The following FBN1 variants were observed in gnomAD, a reference collection of about 807,000 sequenced individuals.
FBN1 encodes fibrillin-1.
FBN1 carries 29 observed loss-of-function variants against 365.1 expected under a neutral mutation model. The ratio of observed to expected loss-of-function variants is 0.08; its 90% confidence interval spans 0.06 to 0.11. The LOEUF is 0.11. Among genes scored for constraint, FBN1 ranks in the 10% least tolerant of loss-of-function variants. The probability of loss-of-function intolerance (pLI) is 1.00; values close to 1 mark genes in which losing one functional copy is unlikely to be tolerated. For synonymous variants in FBN1, 1,210 were observed against 1,270.5 expected, an observed-to-expected ratio of 0.95 and a Z score of 1.01; for missense variants, 2,476 against 3,703.2, an observed-to-expected ratio of 0.67 and a Z score of 8.60.
intron 10 of FBN1, among the ~76,000 whole-genome samples, chr15:48,518,794 A>C (rs1437649590): frequency 1.3e-5 from 2 of 152,052 alleles, no homozygotes; most frequent in Non-Finnish European, 2.9e-5. Flanking sequence ...TTCCTGCATC[A>C]CTCTCTGTAA....
intron 6 of FBN1, among the ~76,000 whole-genome samples, chr15:48,577,812 G>A (rs1246601187): frequency 1.4e-4 from 21 of 152,110 alleles, no homozygotes; most frequent in Admixed American, 1.4e-3. Context: ...CAGCTAATAG[G>A]GCATGATCGT....
intron 15 of FBN1, among the ~76,000 whole-genome samples, chr15:48,506,744 G>A (rs1330311182): frequency 6.6e-6 from 1 of 152,096 alleles, no homozygotes; most frequent in East Asian, 1.9e-4. Context: ...TAAGTGCTCA[G>A]GGCTAGGAGA....
At chr15:48,516,454 T>G (rs2043803741) in intron 10 of FBN1, 92 bp from the exon 11 acceptor site, 1 of 1,337,596 alleles carries the variant, frequency 7.5e-7, no homozygotes, top group South Asian at 1.2e-5. Flanking sequence ...TTAAAGATAT[T>G]TTTGAATAAA....
chr15:48,469,873 T>A (rs111451252), intron 36 of FBN1, among the ~76,000 whole-genome samples: 2,012 of 152,134 alleles, frequency 0.013, 34 homozygotes, highest in African/African-American at 0.039. Context: ...GAATACTCCA[T>A]CCAGAGCATT....
chr15:48,633,951 G>T (rs1890042568), intron 2 of FBN1, among the ~76,000 whole-genome samples: 1 of 152,124 alleles, frequency 6.6e-6, no homozygotes, highest in Non-Finnish European at 1.5e-5. Flanking sequence ...CTGGGCCTCA[G>T]TTTCAGTATT....
chr15:48,445,631 C>T (rs2043152921), intron 47 of FBN1, 127 bp from the exon 48 acceptor site: 1 of 931,240 alleles, frequency 1.1e-6, no homozygotes, highest in East Asian at 2.7e-5. Context: ...CTTAGCCAAA[C>T]AAGAAATGCC....
Position 48,486,940 on chromosome 15 carries a change from C to T in FBN1, c.3589+135G>A, listed in dbSNP as rs115540934. ...AAACAAGAAAGATAAGTAAAAGTAG[C>T]GATGAAAACAAAACTCAGAGTACAT... On this transcript the variant is annotated intron_variant, in intron 29 of 65. Coordinates refer to ENST00000316623, the MANE Select transcript of FBN1 (RefSeq NM_000138.5). 1.3e-3 allele frequency: 798 copies of T among 609,754 alleles called. 3 individuals are homozygous for T. The African/African-American group carries it at 0.014, about 11-fold the overall frequency. 37.8% of individuals were successfully genotyped at this position (609,754 alleles called of 1,614,324 possible). A position where few individuals can be genotyped will look rare whatever the true frequency, so the allele number is the denominator to read the frequency against.
chr15:48,458,574 T>C (rs1234700773), intron 43 of FBN1, among the ~76,000 whole-genome samples: 4 of 152,230 alleles, frequency 2.6e-5, no homozygotes, highest in Admixed American at 2.0e-4. Flanking sequence ...AAACATCATA[T>C]TCACATTCGT....
intron 46 of FBN1, 54 bp downstream of exon 46, chr15:48,448,714 T>A: frequency 1.9e-6 from 3 of 1,558,174 alleles, no homozygotes; most frequent in Non-Finnish European, 2.6e-6. Context: ...ATATTTAGAA[T>A]CAAATGAAGC....
intron 8 of FBN1, among the ~76,000 whole-genome samples, chr15:48,532,644 A>G (rs1438565170): frequency 1.3e-5 from 2 of 152,218 alleles, no homozygotes; most frequent in East Asian, 3.9e-4. Flanking sequence ...TCTTGTCTGA[A>G]TGGCCTCAGA....
intron 2 of FBN1, among the ~76,000 whole-genome samples, chr15:48,626,657 G>A (rs1889887979): frequency 6.6e-6 from 1 of 151,816 alleles, no homozygotes; most frequent in Admixed American, 6.6e-5. Flanking sequence ...AGTTTGCTGA[G>A]ATTATTTCAT....
At chr15:48,521,532 C>A (rs1430898988) in intron 9 of FBN1, among the ~76,000 whole-genome samples, 1 of 152,188 alleles carries the variant, frequency 6.6e-6, no homozygotes. Context: ...CAGAAAGTGT[C>A]TTCTCAAAGC....
At chr15:48,468,142 CT>C in intron 37 of FBN1, 40 bp from the exon 38 acceptor site, 1 of 1,611,420 alleles carries the variant, frequency 6.2e-7, no homozygotes, top group Non-Finnish European at 8.5e-7. Flanking sequence ...CAGGCAGAAT[CT>C]TTCTACTGGG....
chr15:48,429,404 T>A (rs1357453701), intron 56 of FBN1, among the ~76,000 whole-genome samples: 3 of 152,198 alleles, frequency 2.0e-5, no homozygotes, highest in Non-Finnish European at 2.9e-5. Flanking sequence ...TAAAAAAACA[T>A]TAAAATATCT....
intron 6 of FBN1, among the ~76,000 whole-genome samples, chr15:48,558,881 T>C (rs189467845): frequency 2.6e-5 from 4 of 152,354 alleles, no homozygotes; most frequent in South Asian, 2.1e-4. Flanking sequence ...TGGAGCACTG[T>C]ACATGCATTC....
chr15:48,584,870 T>C (rs944779282), intron 6 of FBN1, among the ~76,000 whole-genome samples: 4 of 152,254 alleles, frequency 2.6e-5, no homozygotes, highest in Non-Finnish European at 5.9e-5. Context: ...CTTCTGCTTT[T>C]ATCTTCTCCA....
intron 15 of FBN1, among the ~76,000 whole-genome samples, chr15:48,507,135 C>A (rs2043715737): frequency 6.6e-6 from 1 of 152,164 alleles, no homozygotes; most frequent in Non-Finnish European, 1.5e-5. Flanking sequence ...CCTGGGTCAG[C>A]AGGAGCCTAG....
At chr15:48,467,772 C>T (rs1313322145) in intron 38 of FBN1, among the ~76,000 whole-genome samples, 166 bp downstream of exon 38, 2 of 151,658 alleles carry the variant, frequency 1.3e-5, no homozygotes, top group African/African-American at 4.9e-5. Flanking sequence ...TGTGAGCCAA[C>T]CAGGAATATT....
At chr15:48,611,552 G>A (rs1334838715) in intron 3 of FBN1, among the ~76,000 whole-genome samples, 3 of 152,146 alleles carry the variant, frequency 2.0e-5, no homozygotes, top group East Asian at 1.9e-4. Context: ...AAACCACCGC[G>A]TCCAGCCTAT....
Sources: allele counts gnomAD v4.1 joint callset (sites outside exome capture counted in the v4.1 genomes callset), GRCh38; gene constraint gnomAD v4.1.1; transcripts MANE v1.5; gene names NCBI Gene and HGNC (gene_info 2026-07-23, HGNC 2026-07-21).